FSTL5: variants seen among roughly 807,000 people sequenced by gnomAD.
FSTL5 encodes follistatin like 5.
FSTL5 carries 62 observed loss-of-function variants against 89.1 expected under a neutral mutation model. That is an observed-to-expected ratio of 0.70 (90% CI 0.57 to 0.86). FSTL5 has a LOEUF of 0.86. FSTL5 is among the 40% of genes least tolerant of loss of function. The probability of loss-of-function intolerance (pLI) is 0.00; values close to 1 mark genes in which losing one functional copy is unlikely to be tolerated. For missense variants in FSTL5, 1,057 were observed against 1,001.6 expected (o/e 1.06, Z -0.75); for synonymous variants, 383 against 346.2 (o/e 1.11, Z -1.18).
chr4:161,386,982 G>C (rs10517743), intron 15 of FSTL5: 6,144 of 153,954 alleles, frequency 0.04, 326 homozygotes, highest in East Asian at 0.18. Context: ...TTAATGATAT[G>C]CCTGCATTTT....
chr4:161,523,315 A>ATGG (rs1228703451), intron 10 of FSTL5, among the ~76,000 whole-genome samples: 3 of 152,176 alleles, frequency 2.0e-5, no homozygotes, highest in African/African-American at 7.2e-5. Flanking sequence ...AACCTGTACC[A>ATGG]GTCTTATGTA....
intron 6 of FSTL5, among the ~76,000 whole-genome samples, chr4:161,750,735 T>C (rs1740365302): frequency 6.6e-6 from 1 of 152,288 alleles, no homozygotes; most frequent in Non-Finnish European, 1.5e-5. Flanking sequence ...CTCACTTATA[T>C]GTGGAATCTA....
chr4:161,424,642 A>G (rs1732110552), intron 15 of FSTL5, among the ~76,000 whole-genome samples: 1 of 152,094 alleles, frequency 6.6e-6, no homozygotes, highest in Admixed American at 6.6e-5. Context: ...AAAATTCATT[A>G]TGTTGATAAG....
chr4:161,576,028 G>A (rs1733196999), intron 8 of FSTL5, among the ~76,000 whole-genome samples: 1 of 151,926 alleles, frequency 6.6e-6, no homozygotes, highest in African/African-American at 2.4e-5. Context: ...ACCAACAACA[G>A]ACAAATAAAG....
Position 162,129,459 on chromosome 4 carries a change from T to C in FSTL5, c.-16-18047A>G, listed in dbSNP as rs78967114. ...AAAAAGATAAAGTGAGAAAAAACTT[T>C]GATAATATACTTGATGTTACATAGC... is the stretch of plus-strand genomic sequence containing the variant. On this transcript the variant is annotated intron_variant, in intron 1 of 15. Transcript: ENST00000306100. Among the ~76,000 whole-genome samples the C allele has an allele frequency of 8.0e-3, 1,225 of 152,336 alleles. 93 individuals carry two copies. The East Asian group carries it at 0.16, about 19-fold the overall frequency.
chr4:161,964,869 T>G lies in FSTL5; in HGVS notation c.161-44217A>C, dbSNP rs138890431. ...CATATGGTCACAATTCCTTATTTACTTTTTCCTGAGCTTCTTGAAAAGTAT... is the reference window on the plus strand; with the variant it reads ...CATATGGTCACAATTCCTTATTTACGTTTTCCTGAGCTTCTTGAAAAGTAT... On this transcript the variant is annotated intron_variant, in intron 3 of 15. Transcript: ENST00000306100. Among the ~76,000 whole-genome samples, 596 of 152,122 alleles carry G rather than the reference T, an allele frequency of 3.9e-3. 5 individuals carry two copies. Among genetic ancestry groups the G allele is most frequent in the African/African-American group, 0.013 (548 of 41,562 alleles).
intron 3 of FSTL5, among the ~76,000 whole-genome samples, chr4:161,921,525 A>G (rs1368571836): frequency 6.6e-6 from 1 of 152,168 alleles, no homozygotes; most frequent in African/African-American, 2.4e-5. Context: ...AGATATGTAT[A>G]CACATGTATA....
intron 13 of FSTL5, among the ~76,000 whole-genome samples, chr4:161,461,505 A>T (rs961404699): frequency 6.8e-6 from 1 of 147,610 alleles, no homozygotes; most frequent in Non-Finnish European, 1.5e-5. Context: ...AAAACCCAAT[A>T]CTTTGAGGGT....
intron 3 of FSTL5, among the ~76,000 whole-genome samples, chr4:162,033,393 A>G (rs2111196938): frequency 6.6e-6 from 1 of 152,216 alleles, no homozygotes; most frequent in South Asian, 2.1e-4. Context: ...AATAACAACA[A>G]AAAAGTTGAC....
At chr4:161,538,037 G>C (rs1009314539) in intron 10 of FSTL5, 129 bp downstream of exon 10, 2 of 784,400 alleles carry the variant, frequency 2.5e-6, no homozygotes, top group African/African-American at 3.5e-5. Context: ...TCCTTCCTAC[G>C]TATAAAATCT....
chr4:161,406,406 T>C (rs542271725), intron 15 of FSTL5, among the ~76,000 whole-genome samples: 1 of 152,284 alleles, frequency 6.6e-6, no homozygotes, highest in African/African-American at 2.4e-5. Context: ...CTGTTAAAAT[T>C]TATCGAGACT....
chr4:162,044,137 C>T (rs541769029), intron 2 of FSTL5, among the ~76,000 whole-genome samples: 27 of 152,126 alleles, frequency 1.8e-4, no homozygotes, highest in Non-Finnish European at 2.9e-4. Flanking sequence ...GATCCAGATC[C>T]ATCAGAGGAA....
intron 15 of FSTL5, among the ~76,000 whole-genome samples, chr4:161,389,384 A>G (rs1285764731): frequency 6.6e-6 from 1 of 152,108 alleles, no homozygotes; most frequent in Non-Finnish European, 1.5e-5. Flanking sequence ...CATGGTATGG[A>G]TTGTCAACTT....
intron 6 of FSTL5, among the ~76,000 whole-genome samples, chr4:161,736,943 T>C (rs1471217332): frequency 6.6e-6 from 1 of 152,092 alleles, no homozygotes; most frequent in African/African-American, 2.4e-5. Context: ...GGATTTGCAA[T>C]GTCCATATAT....
At chr4:161,802,448 G>A (rs1222598678) in intron 4 of FSTL5, among the ~76,000 whole-genome samples, 3 of 151,678 alleles carry the variant, frequency 2.0e-5, no homozygotes, top group Non-Finnish European at 4.4e-5. Context: ...CTCAGGGAAA[G>A]TGATGTAGAA....
At chr4:161,430,223 T>C (rs1416239549) in intron 15 of FSTL5, among the ~76,000 whole-genome samples, 2 of 150,896 alleles carry the variant, frequency 1.3e-5, no homozygotes, top group Admixed American at 6.6e-5. Context: ...ATGAAAAGAA[T>C]GAAGCACATC....
At chr4:161,683,707 G>C (rs1007423019) in intron 6 of FSTL5, among the ~76,000 whole-genome samples, 20 of 152,178 alleles carry the variant, frequency 1.3e-4, no homozygotes, top group African/African-American at 4.8e-4. Context: ...AAACTTACAT[G>C]AGTAAAATTT....
intron 4 of FSTL5, among the ~76,000 whole-genome samples, chr4:161,891,136 A>G (rs1432841266): frequency 6.6e-6 from 1 of 152,038 alleles, no homozygotes; most frequent in Admixed American, 6.6e-5. Flanking sequence ...TCAACTATGT[A>G]TCTTGCTGCT....
At chr4:161,804,901 C>T (rs1729911290) in intron 4 of FSTL5, among the ~76,000 whole-genome samples, 3 of 152,024 alleles carry the variant, frequency 2.0e-5, no homozygotes, top group African/African-American at 7.2e-5. Flanking sequence ...AATGCTGTTA[C>T]TGATTTTTCA....
Sources: gnomAD v4.1 joint callset for allele counts (sites outside exome capture counted in the v4.1 genomes callset) on GRCh38, gnomAD v4.1.1 for gene constraint, MANE v1.5 for transcripts, NCBI Gene and HGNC (gene_info 2026-07-23, HGNC 2026-07-21) for gene names.